Variants in UNC13C observed in about 807,000 individuals in gnomAD.
The protein encoded by UNC13C is unc-13 homolog C.
A neutral mutation model predicts 245.4 loss-of-function variants in UNC13C; 174 were observed. The observed-to-expected ratio is 0.71, with a 90% CI of 0.63 to 0.80. The LOEUF (loss-of-function observed/expected upper bound fraction) is 0.80. UNC13C is among the 30% of genes least tolerant of loss of function. The probability of loss-of-function intolerance (pLI) is 0.00; values close to 1 mark genes in which losing one functional copy is unlikely to be tolerated. For synonymous variants in UNC13C, 992 were observed against 895.1 expected, an observed-to-expected ratio of 1.11 and a Z score of -1.93; for missense variants, 2,829 against 2,602.9, an observed-to-expected ratio of 1.09 and a Z score of -1.89.
chr15:54,543,849 C>T (rs762986484), intron 26 of UNC13C, among the ~76,000 whole-genome samples: 5 of 152,034 alleles, frequency 3.3e-5, no homozygotes, highest in African/African-American at 7.2e-5. Context: ...GATTCACAGC[C>T]GAATTCTACC....
At position 54,588,894 on chromosome 15, in the gene UNC13C, T is replaced by C. The variant is rs537035033; in HGVS notation, c.6106+20947T>C. Among the ~76,000 whole-genome samples the C allele has an allele frequency of 2.4e-4, 37 of 152,340 alleles. No homozygotes were observed. In the East Asian group the frequency reaches 6.4e-3, roughly 26 times the overall value. ...TTATCCACTCGTTGATTGATGGGCA[T>C]TTGGGTTGGTTCCACAGTTTTGCAA... On this transcript the variant is annotated intron_variant, in intron 30 of 32. Coordinates refer to ENST00000260323, the MANE Select transcript of UNC13C (RefSeq NM_001080534.3).
At chr15:54,084,328 C>G (rs1899120901) in intron 2 of UNC13C, among the ~76,000 whole-genome samples, 1 of 152,180 alleles carries the variant, frequency 6.6e-6, no homozygotes, top group Non-Finnish European at 1.5e-5. Context: ...GGGTTGGATT[C>G]TAGCAAAGTT....
Position 54,333,782 on chromosome 15 carries a change from A to G in UNC13C, c.4510A>G (p.Ser1504Gly). The change falls in exon 16 of 33, where the codon AGC becomes GGC. Residue 1504 changes from serine to glycine, a missense_variant. By Grantham distance (56) the Ser-to-Gly change is moderately conservative. Coordinates refer to ENST00000260323, the MANE Select transcript of UNC13C (RefSeq NM_001080534.3). ...AATTAACCAGGAAAACTTTCCTGCA[A>G]GCAATACTGAAAGACTGCAAGACCT... ...LSKYRENFPA[S>G]NTERLQDLKS... 6.2e-7 allele frequency: 1 copy of G among 1,604,162 alleles called. No homozygotes were observed. Among genetic ancestry groups the G allele is most frequent in the Non-Finnish European group, 8.5e-7 (1 of 1,174,706 alleles).
At chr15:54,395,025 T>C (rs1156632724) in intron 18 of UNC13C, among the ~76,000 whole-genome samples, 1 of 151,892 alleles carries the variant, frequency 6.6e-6, no homozygotes, top group Non-Finnish European at 1.5e-5. Context: ...GTTTTTAATG[T>C]CAGAGTTTAA....
At chr15:54,250,676 G>A (rs2036121021) in intron 8 of UNC13C, among the ~76,000 whole-genome samples, 1 of 150,854 alleles carries the variant, frequency 6.6e-6, no homozygotes, top group Non-Finnish European at 1.5e-5. Flanking sequence ...GAGTGAAATT[G>A]CACTCTCATC....
At chr15:54,043,619 C>G (rs1413988684) in intron 2 of UNC13C, among the ~76,000 whole-genome samples, 2 of 152,156 alleles carry the variant, frequency 1.3e-5, no homozygotes, top group Admixed American at 1.3e-4. Flanking sequence ...TGGTTCTTGT[C>G]AAGGGAAACA....
chr15:54,562,057 A>C (rs536120947), intron 29 of UNC13C, among the ~76,000 whole-genome samples: 1 of 151,996 alleles, frequency 6.6e-6, no homozygotes, highest in African/African-American at 2.4e-5. Flanking sequence ...TCCTAGTGCC[A>C]TGTTGGAGTT....
chr15:54,169,632 C>T (rs529398799), intron 4 of UNC13C, among the ~76,000 whole-genome samples: 28 of 152,284 alleles, frequency 1.8e-4, no homozygotes, highest in African/African-American at 6.5e-4. Context: ...GCACTGCCCA[C>T]CATTCTGACC....
At chr15:54,310,464 T>G (rs931367290) in intron 13 of UNC13C, among the ~76,000 whole-genome samples, 1 of 151,772 alleles carries the variant, frequency 6.6e-6, no homozygotes, top group Admixed American at 6.6e-5. Flanking sequence ...CTGGCTGCAA[T>G]AGAATCAAAT....
At chr15:54,290,384 T>C (rs2037265320) in intron 10 of UNC13C, among the ~76,000 whole-genome samples, 1 of 151,974 alleles carries the variant, frequency 6.6e-6, no homozygotes. Flanking sequence ...AAAATTATTC[T>C]AAAATAAAGT....
chr15:53,923,397 A>T, the UNC13C span, among the ~76,000 whole-genome samples: 2 of 152,234 alleles, frequency 1.3e-5, no homozygotes, highest in African/African-American at 4.8e-5. Flanking sequence ...CTGTCAGTGA[A>T]TGTAGTAGAC....
intron 4 of UNC13C, among the ~76,000 whole-genome samples, chr15:54,170,266 A>G (rs536482831): frequency 6.6e-5 from 10 of 152,300 alleles, no homozygotes; most frequent in Admixed American, 5.9e-4. Context: ...TTAATAAAAT[A>G]GAGATTCTAA....
At chr15:53,906,370 A>C in the UNC13C span, among the ~76,000 whole-genome samples, 17 of 152,214 alleles carry the variant, frequency 1.1e-4, no homozygotes, top group African/African-American at 4.1e-4. Flanking sequence ...CTACTGCACT[A>C]GGTCTGGCAA....
At chr15:53,931,861 G>T in the UNC13C span, among the ~76,000 whole-genome samples, 1 of 152,068 alleles carries the variant, frequency 6.6e-6, no homozygotes, top group Non-Finnish European at 1.5e-5. Context: ...TGCTGTCAAC[G>T]GTTCATATCG....
At chr15:53,888,352 C>G in the UNC13C span, among the ~76,000 whole-genome samples, 1 of 152,130 alleles carries the variant, frequency 6.6e-6, no homozygotes, top group Non-Finnish European at 1.5e-5. Flanking sequence ...TAAATGTCTT[C>G]TTTTGGGAAG....
chr15:54,601,978 T>G (rs770031712), intron 30 of UNC13C, among the ~76,000 whole-genome samples: 1 of 152,142 alleles, frequency 6.6e-6, no homozygotes, highest in Non-Finnish European at 1.5e-5. Flanking sequence ...TGCACTCCCC[T>G]CTTACTTCCC....
At chr15:54,424,609 T>C (rs2040720092) in intron 19 of UNC13C, among the ~76,000 whole-genome samples, 1 of 151,886 alleles carries the variant, frequency 6.6e-6, no homozygotes, top group African/African-American at 2.4e-5. Flanking sequence ...TTCACATGTG[T>C]GTTATGCTAT....
At chr15:54,414,720 A>T (rs940174835) in intron 18 of UNC13C, among the ~76,000 whole-genome samples, 1 of 152,130 alleles carries the variant, frequency 6.6e-6, no homozygotes, top group Non-Finnish European at 1.5e-5. Context: ...ATCACAAGAC[A>T]TCCACAGGGA....
intron 24 of UNC13C, among the ~76,000 whole-genome samples, chr15:54,524,792 T>A (rs1895374507): frequency 6.6e-6 from 1 of 152,206 alleles, no homozygotes; most frequent in Admixed American, 6.5e-5. Flanking sequence ...TTCTTTTCAA[T>A]AGTAGATCAG....
Sources: gnomAD v4.1 joint callset for allele counts (sites outside exome capture counted in the v4.1 genomes callset) on GRCh38, gnomAD v4.1.1 for gene constraint, MANE v1.5 for transcripts, NCBI Gene and HGNC (gene_info 2026-07-23, HGNC 2026-07-21) for gene names.